The following SCARA3 variants were observed in gnomAD, a reference collection of about 807,000 sequenced individuals.
The protein encoded by SCARA3 is cellular stress response gene protein.
In SCARA3, 39 loss-of-function variants were observed where a neutral mutation model predicts 47.0. That is an observed-to-expected ratio of 0.83 (90% CI 0.64 to 1.08). The LOEUF (loss-of-function observed/expected upper bound fraction) is 1.08. SCARA3 is among the 50% of genes least tolerant of loss of function. The pLI is 0.00. For synonymous variants in SCARA3, 356 were observed against 334.1 expected, an observed-to-expected ratio of 1.07 and a Z score of -0.71; for missense variants, 724 against 792.3, an observed-to-expected ratio of 0.91 and a Z score of 1.04.
At chr8:27,653,735 T>G (rs933454492) in intron 3 of SCARA3, among the ~76,000 whole-genome samples, 1 of 152,124 alleles carries the variant, frequency 6.6e-6, no homozygotes, top group African/African-American at 2.4e-5. Flanking sequence ...AAGTTTTTTT[T>G]TCTAAATCAA....
chr8:27,724,421 T>C, the SCARA3 span, among the ~76,000 whole-genome samples: 3 of 152,114 alleles, frequency 2.0e-5, no homozygotes, highest in Admixed American at 1.3e-4. Flanking sequence ...CCCAGCCCTT[T>C]GGGAGGCCGA....
At chr8:27,694,351 C>T in the SCARA3 span, among the ~76,000 whole-genome samples, 2 of 152,108 alleles carry the variant, frequency 1.3e-5, no homozygotes, top group Non-Finnish European at 2.9e-5. Flanking sequence ...CAACTTCATT[C>T]TACGGAAAAT....
At chr8:27,722,829 A>C in the SCARA3 span, among the ~76,000 whole-genome samples, 3 of 152,166 alleles carry the variant, frequency 2.0e-5, no homozygotes, top group African/African-American at 7.2e-5. Flanking sequence ...ACTGAAGGTC[A>C]CACCATCTGG....
Position 27,634,150 on chromosome 8 carries a change from A to C in SCARA3, c.-51A>C. ...TCCGCCGGCCGCCCGGCTCCACTAC[A>C]GCTCCAGCCGCCTGCAGCGGGGCCC... On this transcript the variant is annotated 5_prime_UTR_variant, in exon 1 of 6. Coordinates refer to ENST00000301904, the MANE Select transcript of SCARA3 (RefSeq NM_016240.3). The C allele has an allele frequency of 6.9e-7, 1 of 1,452,126 alleles. No homozygotes were observed. Among genetic ancestry groups the C allele is most frequent in the South Asian group, 1.4e-5 (1 of 69,582 alleles). 90.0% of individuals were successfully genotyped at this position (1,452,126 alleles called of 1,614,324 possible).
chr8:27,723,381 A>G, the SCARA3 span, among the ~76,000 whole-genome samples: 1 of 152,114 alleles, frequency 6.6e-6, no homozygotes, highest in Non-Finnish European at 1.5e-5. Context: ...TTCTAACTCT[A>G]CCACTTCCTT....
rs530396755 is a variant in SCARA3, at chr8:27,671,389, G to A, written c.*38G>A. ...CAGAGCCACTGTCACACAGAATGCC[G>A]GAGGGGCGCAGAGCAGATCCAGGCC... On this transcript the variant is annotated 3_prime_UTR_variant, in exon 6 of 6. Transcript: ENST00000301904. 246 of 1,387,426 alleles carry A rather than the reference G, an allele frequency of 1.8e-4. 1 individual carries two copies. The South Asian group carries it at 2.8e-3, about 16-fold the overall frequency. 85.9% of individuals were successfully genotyped at this position (1,387,426 alleles called of 1,614,324 possible). A position where few individuals can be genotyped will look rare whatever the true frequency, so the allele number is the denominator to read the frequency against.
At chr8:27,691,281 T>G in the SCARA3 span, among the ~76,000 whole-genome samples, 1 of 152,182 alleles carries the variant, frequency 6.6e-6, no homozygotes, top group African/African-American at 2.4e-5. Flanking sequence ...CACAGCTTTC[T>G]AAGGATCATG....
rs1425222511 is a variant in SCARA3 at position 27,651,580 on chromosome 8, T to C, written c.179T>C (p.Leu60Pro). Reference protein sequence around the residue: ...SLHTSVRILYLFLALLLVAVA... With the variant: ...SLHTSVRILYPFLALLLVAVA... ...CACACATCGGTGCGGATTCTTTACCTCTTCCTGGCCCTGCTCCTGGTGGCC... is the reference window on the plus strand; with the variant it reads ...CACACATCGGTGCGGATTCTTTACCCCTTCCTGGCCCTGCTCCTGGTGGCC... Residue 60 changes from leucine to proline, a missense_variant, in exon 3 of 6, where the codon CTC becomes CCC. Coordinates refer to ENST00000301904, the MANE Select transcript of SCARA3 (RefSeq NM_016240.3). 6.2e-7 allele frequency: 1 copy of C among 1,614,156 alleles called. No homozygotes were observed. The highest frequency in any genetic ancestry group is 1.1e-5 in the South Asian group (1 of 91,080).
the SCARA3 span, among the ~76,000 whole-genome samples, chr8:27,719,837 C>A: frequency 6.6e-6 from 1 of 152,186 alleles, no homozygotes; most frequent in Non-Finnish European, 1.5e-5. Context: ...TTTGAGACCT[C>A]TGTCACCAAA....
chr8:27,691,577 G>T, the SCARA3 span, among the ~76,000 whole-genome samples: 2 of 152,080 alleles, frequency 1.3e-5, no homozygotes, highest in South Asian at 2.1e-4. Flanking sequence ...AAGTCCCTCC[G>T]TCTGCTGCAT....
At position 27,649,700 on chromosome 8, in the gene SCARA3, A is replaced by T. The variant is rs1304248581; in HGVS notation, c.8-2A>T. On this transcript the variant is annotated splice_acceptor_variant, in intron 1 of 5. Transcript: ENST00000301904. LOFTEE classifies it high-confidence loss of function. The stretch of plus-strand genomic sequence containing the variant: ...GGTCTGACGGCACTGGCTTCATTAT[A>T]GTGAGGTCGGCCGGCGGCGATGGAG... The T allele has an allele frequency of 6.2e-7, 1 of 1,613,974 alleles. No individual in the cohort carries two copies. Among genetic ancestry groups the T allele is most frequent in the South Asian group, 1.1e-5 (1 of 91,034 alleles).
the SCARA3 span, among the ~76,000 whole-genome samples, chr8:27,715,589 TGATAGATAGATAGATA>T: frequency 1.4e-3 from 66 of 45,756 alleles, no homozygotes; most frequent in Admixed American, 2.5e-3. This position sits in a 1 kb window ranked among gnomAD's most constrained non-coding sequence, Gnocchi z 4.2. Context: ...CCTAGATAGA[TGATAGATAGATAGATA>T]GATAGATAGA....
chr8:27,710,308 T>C, the SCARA3 span, among the ~76,000 whole-genome samples: 4 of 151,866 alleles, frequency 2.6e-5, no homozygotes, highest in Non-Finnish European at 5.9e-5. Flanking sequence ...AATATCTTTA[T>C]AGTGTGGGGC....
chr8:27,657,686 G>A (rs35328547), intron 4 of SCARA3, among the ~76,000 whole-genome samples: 2 of 151,022 alleles, frequency 1.3e-5, no homozygotes, highest in East Asian at 3.9e-4. Context: ...GACTACAGGC[G>A]GCAGCCAGCA....
At chr8:27,679,983 T>C (rs1287978838), downstream of SCARA3, 1 of 151,724 alleles carries the variant, frequency 6.6e-6, no homozygotes, top group African/African-American at 2.4e-5. Flanking sequence ...TAAATAACCA[T>C]AGATCAGAAA....
chr8:27,699,697 G>A, the SCARA3 span, among the ~76,000 whole-genome samples: 11 of 152,224 alleles, frequency 7.2e-5, no homozygotes, highest in Admixed American at 6.5e-4. Flanking sequence ...GGGAGGCTCA[G>A]GCAGGAGGAT....
At chr8:27,691,827 A>G in the SCARA3 span, among the ~76,000 whole-genome samples, 2 of 152,136 alleles carry the variant, frequency 1.3e-5, no homozygotes, top group African/African-American at 4.8e-5. Context: ...AAAGCCTCCC[A>G]GATCACTCAG....
At chr8:27,643,697 A>C (rs988659877) in intron 1 of SCARA3, among the ~76,000 whole-genome samples, 1 of 152,166 alleles carries the variant, frequency 6.6e-6, no homozygotes, top group African/African-American at 2.4e-5. Context: ...ATTTTTACCG[A>C]TCCAATTGGC....
At chr8:27,722,701 T>C in the SCARA3 span, among the ~76,000 whole-genome samples, 27 of 152,248 alleles carry the variant, frequency 1.8e-4, no homozygotes, top group Middle Eastern at 3.4e-3. Context: ...CCTTAGCCTT[T>C]CTCCTTAACC....
Sources: gnomAD v4.1 joint callset for allele counts (sites outside exome capture counted in the v4.1 genomes callset) on GRCh38, gnomAD v4.1.1 for gene constraint, Gnocchi (gnomAD v3.1) non-coding constraint, MANE v1.5 for transcripts, NCBI Gene and HGNC (gene_info 2026-07-23, HGNC 2026-07-21) for gene names.